The following C4orf51 variants were observed in gnomAD, a reference collection of about 807,000 sequenced individuals.
C4orf51 encodes chromosome 4 open reading frame 51, also known as uncharacterized protein C4orf51.
Under a neutral mutation model 25.2 loss-of-function variants are expected in C4orf51, and 25 were observed. That is an observed-to-expected ratio of 0.99 (90% CI 0.72 to 1.39). The LOEUF (loss-of-function observed/expected upper bound fraction) is 1.39, where lower values mean the gene tolerates loss of function less well. Among genes scored for constraint, C4orf51 ranks in the 40% most tolerant of loss-of-function variants. The pLI is 0.00. For missense variants in C4orf51, 252 were observed against 239.6 expected (o/e 1.05, Z -0.34); for synonymous variants, 100 against 84.5 (o/e 1.18, Z -1.01).
At chr4:145,681,086 T>C (rs1728811173) in intron 1 of C4orf51, among the ~76,000 whole-genome samples, 1 of 152,142 alleles carries the variant, frequency 6.6e-6, no homozygotes, top group Admixed American at 6.5e-5. Flanking sequence ...AAAAGCACAC[T>C]GCATGGAGAA....
At chr4:145,727,713 TAA>T (rs112366551) in intron 3 of C4orf51, among the ~76,000 whole-genome samples, 1 of 138,266 alleles carries the variant, frequency 7.2e-6, no homozygotes. Context: ...CCATCTCTAC[TAA>T]AAAAAAAAAA....
intron 1 of C4orf51, among the ~76,000 whole-genome samples, chr4:145,768,915 ATT>A: frequency 1.6e-5 from 1 of 60,784 alleles, no homozygotes; most frequent in African/African-American, 5.5e-5. Flanking sequence ...ATATATATAT[ATT>A]AGGTATACAA....
intron 1 of C4orf51, among the ~76,000 whole-genome samples, chr4:145,693,015 CT>C (rs1729709226): frequency 1.8e-5 from 1 of 55,534 alleles, no homozygotes; most frequent in South Asian, 7.1e-4. Flanking sequence ...AATTTTTCAC[CT>C]GTTTTTTTTT....
intron 1 of C4orf51, among the ~76,000 whole-genome samples, chr4:145,748,842 T>C (rs1015729484): frequency 1.3e-5 from 2 of 152,064 alleles, no homozygotes; most frequent in African/African-American, 4.8e-5. Flanking sequence ...GTGTTTTCTA[T>C]AGCCATTGGA....
At chr4:145,764,879 C>G in intron 1 of C4orf51, 1 of 1,490,532 alleles carries the variant, frequency 6.7e-7, no homozygotes, top group East Asian at 2.3e-5. Flanking sequence ...TCATACCAAG[C>G]TCCCCTTCTC....
chr4:145,727,931 T>TAAAA (rs1732172967), intron 3 of C4orf51, among the ~76,000 whole-genome samples: 2 of 89,220 alleles, frequency 2.2e-5, no homozygotes, highest in African/African-American at 6.7e-5. Flanking sequence ...ATAAAATATA[T>TAAAA]TATATATATA....
chr4:145,770,344 A>T (rs985539873), intron 1 of C4orf51, among the ~76,000 whole-genome samples: 2 of 57,362 alleles, frequency 3.5e-5, no homozygotes, highest in African/African-American at 8.6e-5. Flanking sequence ...ATAAATAAAT[A>T]AATAAAATAG....
the C4orf51 span, chr4:145,779,323 A>C: frequency 3.3e-5 from 53 of 1,585,410 alleles, no homozygotes; most frequent in Non-Finnish European, 4.3e-5. Context: ...GAGAGTAAAG[A>C]AGTTGGTGAT....
At chr4:145,720,015 T>C (rs1731644447) in intron 2 of C4orf51, among the ~76,000 whole-genome samples, 1 of 152,148 alleles carries the variant, frequency 6.6e-6, no homozygotes, top group South Asian at 2.1e-4. Context: ...GTTTTGATCA[T>C]GCCTCAGAGG....
rs1214689802 is a variant in C4orf51, at chr4:145,767,215, A to G, written n.167-3773A>G. Among the ~76,000 whole-genome samples the G allele has an allele frequency of 2.0e-5, 3 of 152,360 alleles. No homozygotes were observed. In the East Asian group the frequency reaches 5.8e-4, roughly 29 times the overall value. On this transcript the variant is annotated intron_variant and non_coding_transcript_variant, in intron 1 of 1. Coordinates refer to the C4orf51 transcript ENST00000510096. ...AGTAGAGACATGGATGATATTAAAA[A>G]GATCTAAATAAAATTTCTACTGATG...
chr4:145,710,513 A>G (rs1011851194), intron 2 of C4orf51, among the ~76,000 whole-genome samples: 3 of 152,158 alleles, frequency 2.0e-5, no homozygotes, highest in Non-Finnish European at 4.4e-5. Context: ...TGGATTGTAC[A>G]CATGCTCACT....
At chr4:145,684,036 T>G (rs1376741733) in intron 1 of C4orf51, among the ~76,000 whole-genome samples, 1 of 152,096 alleles carries the variant, frequency 6.6e-6, no homozygotes, top group Non-Finnish European at 1.5e-5. Context: ...AAGATTTGTT[T>G]GAAAAAGAAA....
intron 1 of C4orf51, among the ~76,000 whole-genome samples, chr4:145,694,646 T>TG (rs200380609): frequency 1.7e-5 from 1 of 57,568 alleles, no homozygotes; most frequent in African/African-American, 8.2e-5. Context: ...GGGAGGGAGG[T>TG]GGGGGGGTCA....
At chr4:145,733,087 G>C (rs973190619), downstream of C4orf51, among the ~76,000 whole-genome samples, 5 of 152,122 alleles carry the variant, frequency 3.3e-5, no homozygotes. Flanking sequence ...GGGCGGAGTC[G>C]TGGCCCTCCC....
At chr4:145,721,147 C>T (rs951122091) in intron 2 of C4orf51, among the ~76,000 whole-genome samples, 4 of 151,660 alleles carry the variant, frequency 2.6e-5, no homozygotes, top group Admixed American at 2.6e-4. Flanking sequence ...GAGTTTGAGA[C>T]CAGCCTGGCC....
chr4:145,776,291 T>A, the C4orf51 span, among the ~76,000 whole-genome samples: 1 of 151,966 alleles, frequency 6.6e-6, no homozygotes, highest in African/African-American at 2.4e-5. Context: ...ACTCCATCTC[T>A]ACAAAAAAAT....
At chr4:145,710,362 C>T (rs1437460912) in intron 2 of C4orf51, among the ~76,000 whole-genome samples, 3 of 152,182 alleles carry the variant, frequency 2.0e-5, no homozygotes, top group Non-Finnish European at 4.4e-5. Flanking sequence ...TGCAGCTTGA[C>T]ATTTTGACTT....
intron 2 of C4orf51, among the ~76,000 whole-genome samples, chr4:145,703,203 T>C (rs1465960148): frequency 6.6e-6 from 1 of 151,240 alleles, no homozygotes; most frequent in Non-Finnish European, 1.5e-5. Context: ...ACAAAACAAG[T>C]GTAAATGGCC....
At chr4:145,741,707 A>AT (rs1274022176) in intron 1 of C4orf51, among the ~76,000 whole-genome samples, 1 of 151,480 alleles carries the variant, frequency 6.6e-6, no homozygotes, top group Non-Finnish European at 1.5e-5. Flanking sequence ...TTTCTTTTTT[A>AT]TTTTTTTAAA....
Sources: allele counts gnomAD v4.1 joint callset (sites outside exome capture counted in the v4.1 genomes callset), GRCh38; gene constraint gnomAD v4.1.1; transcripts MANE v1.5; gene names NCBI Gene and HGNC (gene_info 2026-07-23, HGNC 2026-07-21).